The following RAB3B variants were observed in gnomAD, a reference collection of about 807,000 sequenced individuals.
The protein encoded by RAB3B is ras-related protein Rab-3B.
In RAB3B, 11 loss-of-function variants were observed where a neutral mutation model predicts 20.5. The ratio of observed to expected loss-of-function variants is 0.54; its 90% CI spans 0.34 to 0.89. RAB3B has a LOEUF of 0.89. Among genes scored for constraint, RAB3B ranks in the 40% least tolerant of loss-of-function variants. RAB3B has a pLI of 0.02. For synonymous variants in RAB3B, 99 were observed against 106.3 expected (o/e 0.93, Z 0.42); for missense variants, 225 against 280.9 (o/e 0.80, Z 1.42).
rs978313487 is a variant in RAB3B at position 51,919,236 on chromosome 1, G to A, written c.*691C>T. 1 of 152,110 alleles carries A rather than the reference G, an allele frequency of 6.6e-6. No homozygotes were observed. The highest frequency in any genetic ancestry group is 2.4e-5 in the African/African-American group (1 of 41,402). The allele number at this position is 152,110 out of a possible 1,614,324, so 9.4% of individuals were successfully genotyped here. A position where few individuals can be genotyped will look rare whatever the true frequency, so the allele number is the denominator to read the frequency against. ...CTGACCTCATGATCCACCCGCCTCG[G>A]CCTCCCAAAGTGCTGGGATTACAGG... On this transcript the variant is annotated 3_prime_UTR_variant, in exon 5 of 5. Coordinates refer to ENST00000371655, the MANE Select transcript of RAB3B (RefSeq NM_002867.4).
At chr1:51,972,426 G>GT (rs1300880188) in intron 2 of RAB3B, among the ~76,000 whole-genome samples, 1 of 150,882 alleles carries the variant, frequency 6.6e-6, no homozygotes, top group African/African-American at 2.4e-5. Flanking sequence ...CCCAAAATGT[G>GT]TATGTTGAAG....
chr1:51,990,578 G>A lies in RAB3B; in HGVS notation c.-27C>T, dbSNP rs1268269757. Reference sequence around the variant, plus strand: ...GCGGACTCCGAGTGCGGGACGACGGGTTCGCTCCCGGACGGTCGGCGGGAC... The same window carrying A: ...GCGGACTCCGAGTGCGGGACGACGGATTCGCTCCCGGACGGTCGGCGGGAC... On this transcript the variant is annotated 5_prime_UTR_variant, in exon 1 of 5. Coordinates refer to ENST00000371655, the MANE Select transcript of RAB3B (RefSeq NM_002867.4). The A allele has an allele frequency of 2.0e-5, 3 of 152,192 alleles. No individual in the cohort carries two copies. Among genetic ancestry groups the A allele is most frequent in the African/African-American group, 7.2e-5 (3 of 41,532 alleles). 9.4% of individuals were successfully genotyped at this position (152,192 alleles called of 1,614,324 possible). A position where few individuals can be genotyped will look rare whatever the true frequency, so the allele number is the denominator to read the frequency against.
In RAB3B at chr1:51,980,289, G is replaced by A. The variant is rs548499287; in HGVS notation, c.1-3172C>T. Among the ~76,000 whole-genome samples the A allele has an allele frequency of 2.8e-4, 42 of 152,100 alleles. 1 individual carries two copies. Among genetic ancestry groups the A allele is most frequent in the Admixed American group, 7.9e-4 (12 of 15,266 alleles). The stretch of plus-strand genomic sequence containing the variant: ...ACAAAAAGTAAAAAATTAGCCAGCC[G>A]TGGTGGCACACATCTATAATCCCAG... On this transcript the variant is annotated intron_variant, in intron 1 of 4. Transcript: ENST00000371655.
At chr1:51,925,936 G>C (rs978513654) in intron 4 of RAB3B, among the ~76,000 whole-genome samples, 1 of 152,242 alleles carries the variant, frequency 6.6e-6, no homozygotes, top group Non-Finnish European at 1.5e-5. Context: ...AACCATGAGA[G>C]CAGGAGTCAC....
chr1:51,981,117 A>G (rs1230215642), intron 1 of RAB3B, among the ~76,000 whole-genome samples: 1 of 152,026 alleles, frequency 6.6e-6, no homozygotes, highest in Non-Finnish European at 1.5e-5. Flanking sequence ...TACAGTCTTG[A>G]TCTCCTGGGC....
At chr1:51,966,684 T>G (rs2124296982) in intron 2 of RAB3B, among the ~76,000 whole-genome samples, 1 of 152,268 alleles carries the variant, frequency 6.6e-6, no homozygotes, top group Non-Finnish European at 1.5e-5. Context: ...GAGATAAAAG[T>G]GTCAGCATGT....
At chr1:51,970,565 G>T (rs1557975317) in intron 2 of RAB3B, among the ~76,000 whole-genome samples, 2 of 152,084 alleles carry the variant, frequency 1.3e-5, no homozygotes, top group Non-Finnish European at 2.9e-5. Context: ...GCCCTGCTCA[G>T]CAATGCTCAT....
At position 51,917,698 on chromosome 1, in the gene RAB3B, A is replaced by T. The variant is rs1010028371; in HGVS notation, c.*2229T>A. ...CAGCCTCCCAAGTAGCTGGGACTAC[A>T]GGCATGCACCATCACATCTGGCTAA... On this transcript the variant is annotated 3_prime_UTR_variant, in exon 5 of 5. Coordinates refer to ENST00000371655, the MANE Select transcript of RAB3B (RefSeq NM_002867.4). 3 of 152,382 alleles carry T rather than the reference A, an allele frequency of 2.0e-5. No individual in the cohort carries two copies. Among genetic ancestry groups the T allele is most frequent in the African/African-American group, 7.2e-5 (3 of 41,558 alleles). The allele number at this position is 152,382 out of a possible 1,614,324, so 9.4% of individuals were successfully genotyped here.
intron 2 of RAB3B, among the ~76,000 whole-genome samples, chr1:51,967,401 AG>A (rs1440566185): frequency 6.6e-6 from 1 of 151,990 alleles, no homozygotes; most frequent in African/African-American, 2.4e-5. Flanking sequence ...ACACCTAACA[AG>A]GTAACAGGAA....
At chr1:51,922,046 G>A (rs1684179296) in intron 4 of RAB3B, among the ~76,000 whole-genome samples, 1 of 152,176 alleles carries the variant, frequency 6.6e-6, no homozygotes, top group Non-Finnish European at 1.5e-5. Flanking sequence ...AAGACAAGCA[G>A]CAGAAGTGCC....
At chr1:51,939,122 C>T (rs1024362971) in intron 2 of RAB3B, among the ~76,000 whole-genome samples, 1 of 152,186 alleles carries the variant, frequency 6.6e-6, no homozygotes, top group African/African-American at 2.4e-5. Context: ...AAAGACAAGA[C>T]CAACAGCAAA....
intron 1 of RAB3B, among the ~76,000 whole-genome samples, chr1:51,982,596 T>C (rs1483147551): frequency 2.0e-5 from 3 of 151,620 alleles, no homozygotes; most frequent in Non-Finnish European, 4.4e-5. Flanking sequence ...CTACTAAAAA[T>C]ACAAAAATTA....
At chr1:51,933,168 T>C in intron 4 of RAB3B, 150 bp downstream of exon 4, 1 of 789,898 alleles carries the variant, frequency 1.3e-6, no homozygotes, top group South Asian at 2.4e-5. Flanking sequence ...CTCATACAAA[T>C]ATAAAACAAT....
intron 4 of RAB3B, among the ~76,000 whole-genome samples, chr1:51,923,475 G>C (rs553161433): frequency 9.2e-5 from 14 of 152,260 alleles, no homozygotes; most frequent in African/African-American, 2.2e-4. Context: ...CTGCAGTTTG[G>C]GAGGCCGAGG....
At chr1:51,980,652 T>C in intron 1 of RAB3B, 1 of 757,684 alleles carries the variant, frequency 1.3e-6, no homozygotes, top group Admixed American at 1.7e-5. Flanking sequence ...GCATCTTCGA[T>C]GCCTATGTGC....
At chr1:51,947,771 T>C (rs1011268571) in intron 2 of RAB3B, among the ~76,000 whole-genome samples, 2 of 152,112 alleles carry the variant, frequency 1.3e-5, no homozygotes, top group African/African-American at 4.8e-5. Context: ...GTCTTGACCA[T>C]CAGATTTTTG....
At chr1:51,940,022 T>G (rs1227982086) in intron 2 of RAB3B, among the ~76,000 whole-genome samples, 2 of 152,256 alleles carry the variant, frequency 1.3e-5, no homozygotes, top group Non-Finnish European at 2.9e-5. Context: ...AGTATGCCAC[T>G]ATTTTTATAC....
chr1:51,967,807 C>T (rs1269136460), intron 2 of RAB3B, among the ~76,000 whole-genome samples: 2 of 152,006 alleles, frequency 1.3e-5, no homozygotes, highest in East Asian at 1.9e-4. Context: ...TGAGCCACCA[C>T]GCCCAACCAG....
At position 51,909,893 on chromosome 1, in the gene RAB3B, T is replaced by A. The variant is rs933696956; in HGVS notation, c.*10034A>T. ...ATTTGCCTGCCTAGCTCTGCCTGAT[T>A]GGGATTACACATTGTGTAGTGCCAA... On this transcript the variant is annotated 3_prime_UTR_variant, in exon 5 of 5. Transcript: ENST00000371655. 6.6e-6 allele frequency: 1 copy of A among 152,240 alleles called. No individual in the cohort carries two copies. The highest frequency in any genetic ancestry group is 6.6e-5 in the Admixed American group (1 of 15,266). The allele number at this position is 152,240 out of a possible 1,614,324, so 9.4% of individuals were successfully genotyped here.
Sources: gnomAD v4.1 joint callset for allele counts (sites outside exome capture counted in the v4.1 genomes callset) on GRCh38, gnomAD v4.1.1 for gene constraint, MANE v1.5 for transcripts, NCBI Gene and HGNC (gene_info 2026-07-23, HGNC 2026-07-21) for gene names.